OR4C13: variants seen among roughly 807,000 people sequenced by gnomAD.
OR4C13 encodes the protein olfactory receptor 4C13.
A neutral mutation model predicts 14.7 loss-of-function variants in OR4C13; 23 were observed. The observed-to-expected ratio is 1.57, with a 90% confidence interval of 1.13 to 2.22. The LOEUF is 2.22. Among genes scored for constraint, OR4C13 ranks in the 30% most tolerant of loss-of-function variants. The pLI, the probability that OR4C13 is intolerant of heterozygous loss-of-function variation, is 0.00. For synonymous variants in OR4C13, 178 were observed against 135.5 expected, an observed-to-expected ratio of 1.31 and a Z score of -2.18; for missense variants, 504 against 368.6, an observed-to-expected ratio of 1.37 and a Z score of -3.01.
Position 49,952,899 on chromosome 11 carries a change from C to T in OR4C13, c.477C>T (p.Leu159=), listed in dbSNP as rs782403381. ...TTCTTCATGCAACCATACAGATCCT[C>T]TTCATCTGTCAATTACCTTTCTGTG... The part of the protein sequence containing the change: ...GGFLHATIQI[L]FICQLPFCGP... Residue 159 remains leucine, a synonymous_variant, in exon 1 of 1, where the codon CTC becomes CTT. Coordinates refer to ENST00000555099, the MANE Select transcript of OR4C13 (RefSeq NM_001001955.2). 6.2e-7 allele frequency: 1 copy of T among 1,612,448 alleles called. No homozygotes were observed.
Position 49,952,608 on chromosome 11 carries a change from C to A in OR4C13, c.186C>A (p.Ala62=). The stretch of plus-strand genomic sequence containing the variant: ...GATCCCCCATGTACTTTTTCCTGGC[C>A]TATCTCTCCTTTATTGATGCCTGCT... The part of the protein sequence containing the change: ...SLRSPMYFFL[A]YLSFIDACYS... The change falls in exon 1 of 1, where the codon GCC becomes GCA. Residue 62 remains alanine (A), a synonymous_variant. Coordinates refer to ENST00000555099, the MANE Select transcript of OR4C13 (RefSeq NM_001001955.2). The A allele has an allele frequency of 6.2e-7, 1 of 1,613,840 alleles. No homozygotes were observed. Among genetic ancestry groups the A allele is most frequent in the Non-Finnish European group, 8.5e-7 (1 of 1,179,796 alleles).
rs1185991702 is a variant in OR4C13 at position 49,953,133 on chromosome 11, C to T, written c.711C>T (p.Thr237=). Residue 237 remains threonine, a synonymous_variant, in exon 1 of 1, where the codon ACC becomes ACT. Transcript: ENST00000555099. ...AGGCAAGGCACGAAGCCCTCTCTACCTGTGTCTCCCACATCACAGTTGTCA... is the reference window on the plus strand; with the variant it reads ...AGGCAAGGCACGAAGCCCTCTCTACTTGTGTCTCCCACATCACAGTTGTCA... ...SLEARHEALS[T]CVSHITVVIL... The T allele has an allele frequency of 3.1e-6, 5 of 1,613,620 alleles. No individual in the cohort carries two copies. Among genetic ancestry groups the T allele is most frequent in the Non-Finnish European group, 4.2e-6 (5 of 1,179,704 alleles).
In OR4C13 at chr11:49,952,972, A is replaced by G; in HGVS notation, c.550A>G (p.Asn184Asp). 2 of 1,613,864 alleles carry G rather than the reference A, an allele frequency of 1.2e-6. No homozygotes were observed. Among genetic ancestry groups the G allele is most frequent in the Non-Finnish European group, 1.7e-6 (2 of 1,179,828 alleles). The change falls in exon 1 of 1, where the codon AAT becomes GAT. Residue 184 changes from asparagine (N) to aspartate (D), a missense_variant. Coordinates refer to ENST00000555099, the MANE Select transcript of OR4C13 (RefSeq NM_001001955.2). ...TATGTGTGATCTCTACACTTTGATC[A>G]ATCTTGCCTGCACTAATACCCACAC... The part of the protein sequence containing the change: ...HFMCDLYTLI[N>D]LACTNTHTLG...
In OR4C13 at chr11:49,952,893, G is replaced by A; in HGVS notation, c.471G>A (p.Gln157=). ...GAGGCTTTCTTCATGCAACCATACA[G>A]ATCCTCTTCATCTGTCAATTACCTT... ...WVGGFLHATI[Q]ILFICQLPFC... The change falls in exon 1 of 1, where the codon CAG becomes CAA. Residue 157 remains glutamine (Q), a synonymous_variant. Transcript: ENST00000555099. The A allele has an allele frequency of 6.2e-7, 1 of 1,613,940 alleles. No homozygotes were observed. The highest frequency in any genetic ancestry group is 2.2e-5 in the East Asian group (1 of 44,876).
In OR4C13 at chr11:49,952,696, T is replaced by C. The variant is rs782469539; in HGVS notation, c.274T>C (p.Phe92Leu). ...DSLYENKTIL[F>L]NGCMTQVFGE... The stretch of plus-strand genomic sequence containing the variant: ...ACTCTATGAAAACAAGACTATCTTA[T>C]TCAATGGATGTATGACTCAAGTCTT... Residue 92 changes from phenylalanine (F) to leucine (L), a missense_variant, in exon 1 of 1, where the codon TTC becomes CTC. Coordinates refer to ENST00000555099, the MANE Select transcript of OR4C13 (RefSeq NM_001001955.2). 1.9e-6 allele frequency: 3 copies of C among 1,614,070 alleles called. No individual in the cohort carries two copies. The highest frequency in any genetic ancestry group is 2.5e-6 in the Non-Finnish European group (3 of 1,179,964).
At position 49,952,659 on chromosome 11, in the gene OR4C13, G is replaced by T. The variant is rs150235959; in HGVS notation, c.237G>T (p.Leu79=). 11 of 1,613,456 alleles carry T rather than the reference G, an allele frequency of 6.8e-6. No homozygotes were observed. Among genetic ancestry groups the T allele is most frequent in the Admixed American group, 3.3e-5 (2 of 59,974 alleles). ...ACYSSVNTPK[L]ITDSLYENKT... ...ATTCCTCTGTCAATACCCCTAAGCTGATCACAGATTCACTCTATGAAAACA... is the reference window on the plus strand; with the variant it reads ...ATTCCTCTGTCAATACCCCTAAGCTTATCACAGATTCACTCTATGAAAACA... The change falls in exon 1 of 1, where the codon CTG becomes CTT. Residue 79 remains leucine, a synonymous_variant. Transcript: ENST00000555099.
rs782658443 is a variant in OR4C13, at chr11:49,952,409, A to G, written c.-14A>G. The G allele has an allele frequency of 7.8e-6, 12 of 1,542,908 alleles. No individual in the cohort carries two copies. The South Asian group carries it at 1.4e-4, about 18-fold the overall frequency. On this transcript the variant is annotated 5_prime_UTR_variant, in exon 1 of 1. Transcript: ENST00000555099. ...TTCTTTTCAGGTAATGTAATTAACC[A>G]TCATTTGAAATACATGGCGAATAGA...
chr11:49,953,280 C>T lies in OR4C13; in HGVS notation c.858C>T (p.Thr286=). The T allele has an allele frequency of 6.2e-7, 1 of 1,610,424 alleles. No individual in the cohort carries two copies. The highest frequency in any genetic ancestry group is 1.1e-5 in the South Asian group (1 of 90,800). Residue 286 remains threonine, a synonymous_variant, in exon 1 of 1, where the codon ACC becomes ACT. Coordinates refer to ENST00000555099, the MANE Select transcript of OR4C13 (RefSeq NM_001001955.2). ...CTATGTTAAACCCCTTAATCTACAC[C>T]TTGAGGAATGCTCAAATGAAAAATG... ...ITSMLNPLIY[T]LRNAQMKNAI...
Position 49,953,303 on chromosome 11 carries a change from A to G in OR4C13, c.881A>G (p.Asn294Ser), listed in dbSNP as rs549252937. 1 of 1,605,120 alleles carries G rather than the reference A, an allele frequency of 6.2e-7. No individual in the cohort carries two copies. The highest frequency in any genetic ancestry group is 1.3e-5 in the African/African-American group (1 of 74,744). Reference protein sequence around the residue: ...IYTLRNAQMKNAIRKLCSRKA... With the variant: ...IYTLRNAQMKSAIRKLCSRKA... The stretch of plus-strand genomic sequence containing the variant: ...ACCTTGAGGAATGCTCAAATGAAAA[A>G]TGCCATTAGGAAATTGTGTAGTAGG... Residue 294 changes from asparagine to serine, a missense_variant, in exon 1 of 1, where the codon AAT (asparagine) becomes AGT (serine). Coordinates refer to ENST00000555099, the MANE Select transcript of OR4C13 (RefSeq NM_001001955.2).
In OR4C13 at chr11:49,952,870, G is replaced by A; in HGVS notation, c.448G>A (p.Gly150Ser). Residue 150 changes from glycine (G) to serine (S), a missense_variant, in exon 1 of 1, where the codon GGC becomes AGC. By Grantham distance (56) the Gly-to-Ser change is moderately conservative. Transcript: ENST00000555099. ...GCTAGTGGGAGTGTCATGGGTAGGA[G>A]GCTTTCTTCATGCAACCATACAGAT... ...SLLVGVSWVG[G>S]FLHATIQILF... 1 of 1,613,950 alleles carries A rather than the reference G, an allele frequency of 6.2e-7. No homozygotes were observed. Among genetic ancestry groups the A allele is most frequent in the Non-Finnish European group, 8.5e-7 (1 of 1,179,880 alleles).
In OR4C13 at chr11:49,952,468, A is replaced by T; in HGVS notation, c.46A>T (p.Thr16Ser). ...NVTEFILLGL[T>S]ENPKMQKIIF... The stretch of plus-strand genomic sequence containing the variant: ...GACAGAGTTTATTCTATTGGGGCTT[A>T]CAGAGAATCCAAAAATGCAGAAAAT... Residue 16 changes from threonine (T) to serine (S), a missense_variant, in exon 1 of 1, where the codon ACA becomes TCA. Thr to Ser is a moderately conservative substitution (Grantham distance 58). Transcript: ENST00000555099. 7 of 1,613,356 alleles carry T rather than the reference A, an allele frequency of 4.3e-6. No homozygotes were observed. The highest frequency in any genetic ancestry group is 5.1e-6 in the Non-Finnish European group (6 of 1,179,302).
Position 49,952,537 on chromosome 11 carries a change from G to C in OR4C13, c.115G>C (p.Gly39Arg), listed in dbSNP as rs1236747935. The C allele has an allele frequency of 1.2e-6, 2 of 1,613,768 alleles. No individual in the cohort carries two copies. The highest frequency in any genetic ancestry group is 1.7e-6 in the Non-Finnish European group (2 of 1,179,770). ...TGTCATCTACATCAACGCCATGATA[G>C]GAAATGTGCTCATTGTGGTCACCAT... ...FSVIYINAMI[G>R]NVLIVVTITA... Residue 39 changes from glycine (G) to arginine (R), a missense_variant, in exon 1 of 1, where the codon GGA becomes CGA. By Grantham distance (125) the Gly-to-Arg change is moderately radical. Transcript: ENST00000555099.
rs1853650455 is a variant in OR4C13, at chr11:49,952,480, A to G, written c.58A>G (p.Lys20Glu). 1.5e-5 allele frequency: 25 copies of G among 1,613,612 alleles called. No homozygotes were observed. The highest frequency in any genetic ancestry group is 2.0e-5 in the Non-Finnish European group (24 of 1,179,612). The change falls in exon 1 of 1, where the codon AAA becomes GAA. Residue 20 changes from lysine (K) to glutamate (E), a missense_variant. Lys to Glu is a moderately conservative substitution (Grantham distance 56, BLOSUM62 1). Coordinates refer to ENST00000555099, the MANE Select transcript of OR4C13 (RefSeq NM_001001955.2). ...FILLGLTENP[K>E]MQKIIFVVFS... ...TCTATTGGGGCTTACAGAGAATCCA[A>G]AAATGCAGAAAATCATATTTGTTGT...
chr11:49,952,529 C>T lies in OR4C13; in HGVS notation c.107C>T (p.Ala36Val). The T allele has an allele frequency of 6.2e-7, 1 of 1,613,684 alleles. No individual in the cohort carries two copies. The highest frequency in any genetic ancestry group is 8.5e-7 in the Non-Finnish European group (1 of 1,179,644). ...FVVFSVIYIN[A>V]MIGNVLIVVT... Reference sequence around the variant, plus strand: ...GTGTTTTCTGTCATCTACATCAACGCCATGATAGGAAATGTGCTCATTGTG... The same window carrying T: ...GTGTTTTCTGTCATCTACATCAACGTCATGATAGGAAATGTGCTCATTGTG... Residue 36 changes from alanine (A) to valine (V), a missense_variant, in exon 1 of 1, where the codon GCC becomes GTC. By Grantham distance (64) the Ala-to-Val change is moderately conservative. Coordinates refer to ENST00000555099, the MANE Select transcript of OR4C13 (RefSeq NM_001001955.2).
Position 49,953,257 on chromosome 11 carries a change from A to G in OR4C13, c.835A>G (p.Met279Val). 1 of 1,611,976 alleles carries G rather than the reference A, an allele frequency of 6.2e-7. No individual in the cohort carries two copies. The highest frequency in any genetic ancestry group is 8.5e-7 in the Non-Finnish European group (1 of 1,179,228). The change falls in exon 1 of 1, where the codon ATG becomes GTG. Residue 279 changes from methionine to valine, a missense_variant. Met to Val is a conservative substitution (Grantham distance 21). Coordinates refer to ENST00000555099, the MANE Select transcript of OR4C13 (RefSeq NM_001001955.2). ...TGTATTCTACACTATGATAACTTCT[A>G]TGTTAAACCCCTTAATCTACACCTT... ...VAVFYTMITS[M>V]LNPLIYTLRN...
rs1410879266 is a variant in OR4C13 at position 49,952,753 on chromosome 11, A to C, written c.331A>C (p.Ile111Leu). 1.9e-6 allele frequency: 3 copies of C among 1,614,050 alleles called. No homozygotes were observed. Among genetic ancestry groups the C allele is most frequent in the Admixed American group, 1.7e-5 (1 of 60,012 alleles). Reference sequence around the variant, plus strand: ...ACATTTTTTCAGAGGTGTTGAGGTCATCCTACTTACTGTAATGGCCTATGA... The same window carrying C: ...ACATTTTTTCAGAGGTGTTGAGGTCCTCCTACTTACTGTAATGGCCTATGA... Reference protein sequence around the residue: ...GEHFFRGVEVILLTVMAYDHY... With the variant: ...GEHFFRGVEVLLLTVMAYDHY... The change falls in exon 1 of 1, where the codon ATC becomes CTC. Residue 111 changes from isoleucine (I) to leucine (L), a missense_variant. Ile to Leu is a conservative substitution (Grantham distance 5, BLOSUM62 2). Coordinates refer to ENST00000555099, the MANE Select transcript of OR4C13 (RefSeq NM_001001955.2).
In OR4C13 at chr11:49,952,997, C is replaced by A. The variant is rs782094498; in HGVS notation, c.575C>A (p.Thr192Asn). 3 of 1,613,774 alleles carry A rather than the reference C, an allele frequency of 1.9e-6. No homozygotes were observed. Among genetic ancestry groups the A allele is most frequent in the African/African-American group, 1.3e-5 (1 of 75,008 alleles). The change falls in exon 1 of 1, where the codon ACT (threonine) becomes AAT (asparagine). Residue 192 changes from threonine (T) to asparagine (N), a missense_variant. Physicochemically the swap from Thr to Asn is moderately conservative, Grantham distance 65. Transcript: ENST00000555099. ...LINLACTNTH[T>N]LGLFIAANSG... The stretch of plus-strand genomic sequence containing the variant: ...AATCTTGCCTGCACTAATACCCACA[C>A]TCTAGGACTCTTCATTGCTGCCAAC...
rs1555015751 is a variant in OR4C13, at chr11:49,952,744, G to A, written c.322G>A (p.Val108Ile). The A allele has an allele frequency of 6.2e-7, 1 of 1,614,014 alleles. No homozygotes were observed. Among genetic ancestry groups the A allele is most frequent in the Non-Finnish European group, 8.5e-7 (1 of 1,179,902 alleles). Residue 108 changes from valine (V) to isoleucine (I), a missense_variant, in exon 1 of 1, where the codon GTT becomes ATT. Physicochemically the swap from Val to Ile is conservative, Grantham distance 29. Coordinates refer to ENST00000555099, the MANE Select transcript of OR4C13 (RefSeq NM_001001955.2). ...CTTTGGAGAACATTTTTTCAGAGGT[G>A]TTGAGGTCATCCTACTTACTGTAAT... ...QVFGEHFFRG[V>I]EVILLTVMAY... is the part of the protein sequence containing the mutation.
In OR4C13 at chr11:49,952,522, A is replaced by C. The variant is rs1289853830; in HGVS notation, c.100A>C (p.Ile34Leu). 1 of 1,613,672 alleles carries C rather than the reference A, an allele frequency of 6.2e-7. No homozygotes were observed. The highest frequency in any genetic ancestry group is 8.5e-7 in the Non-Finnish European group (1 of 1,179,610). Residue 34 changes from isoleucine to leucine, a missense_variant, in exon 1 of 1, where the codon ATC (isoleucine) becomes CTC (leucine). Physicochemically the swap from Ile to Leu is conservative, Grantham distance 5. Coordinates refer to ENST00000555099, the MANE Select transcript of OR4C13 (RefSeq NM_001001955.2). Reference protein sequence around the residue: ...IIFVVFSVIYINAMIGNVLIV... With the variant: ...IIFVVFSVIYLNAMIGNVLIV... ...ATTTGTTGTGTTTTCTGTCATCTACATCAACGCCATGATAGGAAATGTGCT... is the reference window on the plus strand; with the variant it reads ...ATTTGTTGTGTTTTCTGTCATCTACCTCAACGCCATGATAGGAAATGTGCT...
Sources: allele counts gnomAD v4.1 joint callset, GRCh38; gene constraint gnomAD v4.1.1; transcripts MANE v1.5; gene names NCBI Gene and HGNC (gene_info 2026-07-23, HGNC 2026-07-21).